Variants in UNC13B observed in about 807,000 individuals in gnomAD.
UNC13B encodes protein unc-13 homolog B.
UNC13B carries 144 observed loss-of-function variants against 211.0 expected under a neutral mutation model. The ratio of observed to expected loss-of-function variants is 0.68; its 90% CI spans 0.60 to 0.78. UNC13B has a LOEUF of 0.78. Ranked by LOEUF, UNC13B falls within the 30% of genes least tolerant of loss-of-function variation. The probability of loss-of-function intolerance (pLI) is 0.00; values close to 1 mark genes in which losing one functional copy is unlikely to be tolerated. For missense variants in UNC13B, 1,777 were observed against 2,002.0 expected (o/e 0.89, Z 2.14); for synonymous variants, 709 against 725.8 (o/e 0.98, Z 0.37).
In UNC13B at chr9:35,376,213, G is replaced by A. The variant is rs1834398022; in HGVS notation, c.9801G>A (p.Lys3267=). The A allele has an allele frequency of 1.9e-6, 3 of 1,613,926 alleles. No homozygotes were observed. Among genetic ancestry groups the A allele is most frequent in the Non-Finnish European group, 8.5e-7 (1 of 1,180,032 alleles). Residue 3267 remains lysine (K), a synonymous_variant, in exon 15 of 40, where the codon AAG becomes AAA. Transcript: ENST00000635942. ...AATGTGGAGTCAAGTGCCATGAGAA[G>A]TGCCAGGATCTGCTCAATGCTGACT... ...CSECGVKCHE[K]CQDLLNADCL... is the part of the protein sequence containing the mutation.
intron 1 of UNC13B, among the ~76,000 whole-genome samples, chr9:35,202,679 T>C (rs562583301): frequency 1.1e-4 from 17 of 152,266 alleles, no homozygotes; most frequent in African/African-American, 4.1e-4. Context: ...AACCTTTGCT[T>C]TTTTTTGTTT....
At chr9:35,162,802 A>G (rs1820850527) in intron 1 of UNC13B, among the ~76,000 whole-genome samples, 1 of 152,222 alleles carries the variant, frequency 6.6e-6, no homozygotes, top group African/African-American at 2.4e-5. Context: ...AACCGGTAGT[A>G]TAGGCTAAGA....
intron 18 of UNC13B, 84 bp from the exon 19 acceptor site, chr9:35,381,016 C>T: frequency 1.5e-6 from 2 of 1,373,306 alleles, no homozygotes; most frequent in South Asian, 1.4e-5. Context: ...TTGGCCCCTT[C>T]TCTTCCTTGG....
intron 7 of UNC13B, among the ~76,000 whole-genome samples, chr9:35,268,269 C>T (rs1228136566): frequency 2.0e-5 from 3 of 152,144 alleles, no homozygotes; most frequent in African/African-American, 7.2e-5. Context: ...TGCTGGGTCC[C>T]ACATTGACAT....
At chr9:35,202,436 G>A (rs1438808651) in intron 1 of UNC13B, among the ~76,000 whole-genome samples, 8 of 152,286 alleles carry the variant, frequency 5.3e-5, no homozygotes, top group East Asian at 1.9e-4. Flanking sequence ...GCTGTCTAAC[G>A]TTGACAGTGG....
intron 7 of UNC13B, among the ~76,000 whole-genome samples, chr9:35,286,529 T>G (rs558497524): frequency 1.3e-5 from 2 of 151,884 alleles, no homozygotes; most frequent in Admixed American, 1.3e-4. Flanking sequence ...TCCCTTTCCT[T>G]CAGGAAAGGG....
At chr9:35,315,757 A>G (rs946196709) in intron 11 of UNC13B, among the ~76,000 whole-genome samples, 12 of 152,166 alleles carry the variant, frequency 7.9e-5, no homozygotes, top group Non-Finnish European at 1.8e-4. Context: ...TAGTCGTGAT[A>G]TCTCTTTAGC....
At chr9:35,174,474 G>A (rs1350922426) in intron 1 of UNC13B, among the ~76,000 whole-genome samples, 3 of 151,884 alleles carry the variant, frequency 2.0e-5, no homozygotes, top group South Asian at 2.1e-4. Context: ...ACAGGTGTGC[G>A]CCACCATGCT....
intron 11 of UNC13B, among the ~76,000 whole-genome samples, chr9:35,319,402 C>CAAAA (rs74176715): frequency 1.2e-4 from 7 of 56,188 alleles, no homozygotes; most frequent in East Asian, 8.2e-4. Flanking sequence ...GACCCTATCT[C>CAAAA]AAAAAAAAAA....
At chr9:35,371,803 A>G (rs1294587901) in intron 13 of UNC13B, 1 of 152,672 alleles carries the variant, frequency 6.5e-6, no homozygotes, top group African/African-American at 2.4e-5. Context: ...AGTGGACAGA[A>G]GCAGAGTGGA....
chr9:35,397,071 A>G (rs1484324931), intron 28 of UNC13B, 96 bp from the exon 29 acceptor site: 6 of 1,601,698 alleles, frequency 3.7e-6, no homozygotes, highest in Admixed American at 1.7e-5. Flanking sequence ...GTTGAGGGCC[A>G]TTAGCCACTC....
chr9:35,403,692 G>A (rs1348395159), intron 39 of UNC13B, 56 bp from the exon 40 acceptor site: 17 of 1,605,504 alleles, frequency 1.1e-5, no homozygotes, highest in Middle Eastern at 1.7e-4. Context: ...GCAGACTGGG[G>A]TGAAATCAGC....
chr9:35,267,018 A>C (rs1827617776), intron 7 of UNC13B, among the ~76,000 whole-genome samples: 1 of 152,186 alleles, frequency 6.6e-6, no homozygotes, highest in Non-Finnish European at 1.5e-5. Flanking sequence ...CCAATTTCTA[A>C]GAAGAGCTTC....
intron 1 of UNC13B, among the ~76,000 whole-genome samples, chr9:35,226,054 C>T (rs749184175): frequency 3.6e-4 from 55 of 152,118 alleles, no homozygotes; most frequent in Non-Finnish European, 6.6e-4. Flanking sequence ...AGGTTTTGCT[C>T]TGGAGAACTG....
intron 1 of UNC13B, among the ~76,000 whole-genome samples, chr9:35,208,960 A>G (rs1185227096): frequency 1.3e-5 from 2 of 152,168 alleles, no homozygotes. Context: ...CCACCTTGCA[A>G]TTAATAAAAG....
rs918521522 is a variant in UNC13B at position 35,304,358 on chromosome 9, A to T, written c.4954A>T (p.Asn1652Tyr). The change falls in exon 9 of 40, where the codon AAT (asparagine) becomes TAT (tyrosine). Residue 1652 changes from asparagine (N) to tyrosine (Y), a missense_variant. Physicochemically the swap from Asn to Tyr is moderately radical, Grantham distance 143. Coordinates refer to ENST00000635942, the MANE Select transcript of UNC13B (RefSeq NM_001371189.2). ...SDQPLDFSGY[N>Y]RQKFKGDFRS... Reference sequence around the variant, plus strand: ...TCAGCCACTAGATTTTTCAGGCTATAATCGTCAAAAGTTTAAAGGAGACTT... The same window carrying T: ...TCAGCCACTAGATTTTTCAGGCTATTATCGTCAAAAGTTTAAAGGAGACTT... The T allele has an allele frequency of 2.5e-6, 1 of 398,626 alleles. No homozygotes were observed. Among genetic ancestry groups the T allele is most frequent in the African/African-American group, 2.1e-5 (1 of 48,602 alleles). The allele number at this position is 398,626 out of a possible 1,614,324, so 24.7% of individuals were successfully genotyped here.
At chr9:35,286,823 G>A (rs577041089) in intron 7 of UNC13B, among the ~76,000 whole-genome samples, 13 of 152,312 alleles carry the variant, frequency 8.5e-5, no homozygotes, top group Non-Finnish European at 1.8e-4. Flanking sequence ...GGAGGGTGGT[G>A]CATCGCAAAT....
At chr9:35,189,147 T>C (rs1458116159) in intron 1 of UNC13B, among the ~76,000 whole-genome samples, 1 of 152,268 alleles carries the variant, frequency 6.6e-6, no homozygotes, top group African/African-American at 2.4e-5. Flanking sequence ...TACATTTCCA[T>C]GCATTCTTAT....
intron 1 of UNC13B, among the ~76,000 whole-genome samples, chr9:35,203,712 A>AGCCT (rs1178667722): frequency 6.6e-6 from 1 of 152,252 alleles, no homozygotes; most frequent in Non-Finnish European, 1.5e-5. Context: ...TGCTTCTAAC[A>AGCCT]GCCTGCATTC....
Sources: gnomAD v4.1 joint callset for allele counts (sites outside exome capture counted in the v4.1 genomes callset) on GRCh38, gnomAD v4.1.1 for gene constraint, MANE v1.5 for transcripts, NCBI Gene and HGNC (gene_info 2026-07-23, HGNC 2026-07-21) for gene names.